The following LHFPL4 variants were observed in gnomAD, a reference collection of about 807,000 sequenced individuals.
LHFPL4 encodes LHFPL tetraspan subfamily member 4 protein.
In LHFPL4, 6 loss-of-function variants were observed where a neutral mutation model predicts 20.0. That is an observed-to-expected ratio of 0.30 (90% confidence interval 0.16 to 0.59). LHFPL4 has a LOEUF of 0.59. Ranked by LOEUF, LHFPL4 falls within the 20% of genes least tolerant of loss-of-function variation. The pLI is 0.88. For synonymous variants in LHFPL4, 129 were observed against 143.8 expected, an observed-to-expected ratio of 0.90 and a Z score of 0.74; for missense variants, 215 against 331.2, an observed-to-expected ratio of 0.65 and a Z score of 2.72.
intron 2 of LHFPL4, among the ~76,000 whole-genome samples, chr3:9,531,920 G>T (rs2046411706): frequency 6.6e-6 from 1 of 152,210 alleles, no homozygotes; most frequent in Non-Finnish European, 1.5e-5. Context: ...AAGAATAAGA[G>T]AACATATACT....
chr3:9,515,545 T>C (rs1347156812), intron 2 of LHFPL4, among the ~76,000 whole-genome samples: 1 of 152,018 alleles, frequency 6.6e-6, no homozygotes, highest in African/African-American at 2.4e-5. Context: ...GGCTCATTTC[T>C]GTATTTTTAG....
intron 2 of LHFPL4, among the ~76,000 whole-genome samples, chr3:9,512,913 C>G (rs1432655966): frequency 6.6e-6 from 1 of 152,144 alleles, no homozygotes; most frequent in Non-Finnish European, 1.5e-5. Flanking sequence ...GGCTAGCATA[C>G]CAGCTCTGGA....
chr3:9,502,231 C>CAGGGA lies in LHFPL4; in HGVS notation c.723_724insTCCCT (p.Ala242SerfsTer78). 6.2e-7 allele frequency: 1 copy of CAGGGA among 1,613,822 alleles called. No individual in the cohort carries two copies. Among genetic ancestry groups the CAGGGA allele is most frequent in the South Asian group, 1.1e-5 (1 of 91,068 alleles). ...GCCTTTCAGGGTCCCTGTGAGTGAG[C>CAGGGA]CACGGGGCAGGGAAGGACTCCCCAT... On this transcript the variant is annotated frameshift_variant, in exon 4 of 4. Transcript: ENST00000287585. LOFTEE classifies it high-confidence loss of function.
chr3:9,507,749 G>T (rs781414524), intron 2 of LHFPL4, among the ~76,000 whole-genome samples: 4 of 152,086 alleles, frequency 2.6e-5, no homozygotes, highest in African/African-American at 4.8e-5. Flanking sequence ...TAGTGGATGA[G>T]ACCCAAGCCT....
chr3:9,510,051 A>T (rs891604980), intron 2 of LHFPL4, among the ~76,000 whole-genome samples: 1 of 152,156 alleles, frequency 6.6e-6, no homozygotes, highest in Non-Finnish European at 1.5e-5. Flanking sequence ...TTCAAGCTAG[A>T]TGATTCTTCA....
At position 9,540,768 on chromosome 3, in the gene LHFPL4, G is replaced by A. The variant is rs527416222; in HGVS notation, c.406+11506C>T. ...AAAAAAAAATTAATGAGGCATGGTG[G>A]TGTATGCCTGTGGTCCCAGCTACTG... On this transcript the variant is annotated intron_variant, in intron 2 of 3. Coordinates refer to ENST00000287585, the MANE Select transcript of LHFPL4 (RefSeq NM_198560.3). 3.3e-5 allele frequency among the ~76,000 whole-genome samples: 5 copies of A among 151,742 alleles called. No homozygotes were observed. In the South Asian group the frequency reaches 1.0e-3, roughly 32 times the overall value.
At position 9,506,915 on chromosome 3, in the gene LHFPL4, A is replaced by C. The variant is rs1159938910; in HGVS notation, c.407-712T>G. On this transcript the variant is annotated intron_variant, in intron 2 of 3. Coordinates refer to ENST00000287585, the MANE Select transcript of LHFPL4 (RefSeq NM_198560.3). This position sits in a 1 kb window ranked among gnomAD's most constrained non-coding sequence, Gnocchi z 4.5. ...TTTTTTAAATTCTTGTCCTTCACCCATCAAATGTTTATTGGGCACCATTTT... is the reference window on the plus strand; with the variant it reads ...TTTTTTAAATTCTTGTCCTTCACCCCTCAAATGTTTATTGGGCACCATTTT... Among the ~76,000 whole-genome samples the C allele has an allele frequency of 6.6e-6, 1 of 152,134 alleles. No homozygotes were observed. The highest frequency in any genetic ancestry group is 2.4e-5 in the African/African-American group (1 of 41,428).
At chr3:9,508,683 G>C (rs1265546566) in intron 2 of LHFPL4, among the ~76,000 whole-genome samples, 2 of 152,166 alleles carry the variant, frequency 1.3e-5, no homozygotes, top group Non-Finnish European at 2.9e-5. Context: ...AGGCCTGGCC[G>C]TCATCTCTCC....
At position 9,501,791 on chromosome 3, in the gene LHFPL4, A is replaced by G; in HGVS notation, c.*420T>C. ...AGCCCACCCTGGAGCAGTATCTAGA[A>G]TAAATTTCTTGAAGAGGCAGGGACC... On this transcript the variant is annotated 3_prime_UTR_variant, in exon 4 of 4. Coordinates refer to ENST00000287585, the MANE Select transcript of LHFPL4 (RefSeq NM_198560.3). 6.0e-6 allele frequency: 1 copy of G among 167,174 alleles called. No homozygotes were observed. The highest frequency in any genetic ancestry group is 1.3e-5 in the Non-Finnish European group (1 of 78,070). The allele number at this position is 167,174 out of a possible 1,614,324, so 10.4% of individuals were successfully genotyped here.
chr3:9,542,144 A>G (rs1324337691), intron 2 of LHFPL4, among the ~76,000 whole-genome samples: 1 of 151,938 alleles, frequency 6.6e-6, no homozygotes, highest in East Asian at 1.9e-4. Context: ...AAATTAGCCA[A>G]GTGTGGTGGC....
At chr3:9,515,575 T>C (rs73130153) in intron 2 of LHFPL4, among the ~76,000 whole-genome samples, 32,606 of 152,060 alleles carry the variant, frequency 0.21, 4,688 homozygotes, top group East Asian at 0.4. Context: ...GGTTTTACCA[T>C]GTTGGCCAGG....
At chr3:9,522,101 C>T (rs560761687) in intron 2 of LHFPL4, among the ~76,000 whole-genome samples, 9 of 152,078 alleles carry the variant, frequency 5.9e-5, no homozygotes, top group Admixed American at 5.9e-4. Context: ...CCAACTAATG[C>T]AAATCCATTT....
Position 9,552,748 on chromosome 3 carries a change from G to A in LHFPL4, c.-69C>T, listed in dbSNP as rs2046564786. Reference sequence around the variant, plus strand: ...CCGCCGGCCCGGGACGGAGCGCCGGGCTGCCGGGCGGGAGCTGGGGACGCA... The same window carrying A: ...CCGCCGGCCCGGGACGGAGCGCCGGACTGCCGGGCGGGAGCTGGGGACGCA... On this transcript the variant is annotated 5_prime_UTR_variant, in exon 2 of 4. Coordinates refer to ENST00000287585, the MANE Select transcript of LHFPL4 (RefSeq NM_198560.3). 3.1e-6 allele frequency: 3 copies of A among 983,584 alleles called. No individual in the cohort carries two copies. Among genetic ancestry groups the A allele is most frequent in the Non-Finnish European group, 3.8e-6 (3 of 796,886 alleles). 60.9% of individuals were successfully genotyped at this position (983,584 alleles called of 1,614,324 possible).
At chr3:9,549,366 C>G (rs185075753) in intron 2 of LHFPL4, among the ~76,000 whole-genome samples, 6 of 152,306 alleles carry the variant, frequency 3.9e-5, no homozygotes, top group African/African-American at 7.2e-5. Context: ...CCCCCATGCT[C>G]TGCACTCAGA....
At chr3:9,550,038 T>C (rs1214223517) in intron 2 of LHFPL4, among the ~76,000 whole-genome samples, 1 of 152,134 alleles carries the variant, frequency 6.6e-6, no homozygotes, top group Non-Finnish European at 1.5e-5. Context: ...GGCCAAGAGA[T>C]ACTTTAAATC....
chr3:9,526,596 T>C (rs766387814), intron 2 of LHFPL4, among the ~76,000 whole-genome samples: 1 of 152,196 alleles, frequency 6.6e-6, no homozygotes, highest in Non-Finnish European at 1.5e-5. Flanking sequence ...AAAAGATATG[T>C]TCAAGTCCTA....
chr3:9,512,773 A>G (rs932676779), intron 2 of LHFPL4, among the ~76,000 whole-genome samples: 3 of 152,234 alleles, frequency 2.0e-5, no homozygotes, highest in Non-Finnish European at 2.9e-5. Context: ...GTCTTCATCC[A>G]TCTCTCCATT....
At chr3:9,521,164 T>G (rs1293469527) in intron 2 of LHFPL4, among the ~76,000 whole-genome samples, 2 of 152,142 alleles carry the variant, frequency 1.3e-5, no homozygotes, top group East Asian at 3.8e-4. Flanking sequence ...TAACTTTCTT[T>G]GCCATGAAGT....
intron 3 of LHFPL4, among the ~76,000 whole-genome samples, chr3:9,502,617 C>T (rs1162824480): frequency 2.6e-5 from 4 of 151,692 alleles, no homozygotes; most frequent in East Asian, 1.9e-4. Flanking sequence ...GCAGGAGAAT[C>T]GCTTGAACCC....
Sources: allele counts gnomAD v4.1 joint callset (sites outside exome capture counted in the v4.1 genomes callset), GRCh38; gene constraint gnomAD v4.1.1; non-coding constraint Gnocchi (gnomAD v3.1); transcripts MANE v1.5; gene names NCBI Gene and HGNC (gene_info 2026-07-23, HGNC 2026-07-21).